FAM184A: variants seen among roughly 807,000 people sequenced by gnomAD.
The protein encoded by FAM184A is family with sequence similarity 184 member A.
A neutral mutation model predicts 143.8 loss-of-function variants in FAM184A; 99 were observed. That is an observed-to-expected ratio of 0.69 (90% CI 0.58 to 0.81). The LOEUF (loss-of-function observed/expected upper bound fraction) is 0.81. FAM184A is among the 40% of genes least tolerant of loss of function. The pLI is 0.00. For synonymous variants in FAM184A, 427 were observed against 446.4 expected, an observed-to-expected ratio of 0.96 and a Z score of 0.55; for missense variants, 1,217 against 1,310.5, an observed-to-expected ratio of 0.93 and a Z score of 1.10.
chr6:119,061,144 A>C (rs945830647), intron 1 of FAM184A, among the ~76,000 whole-genome samples: 5 of 152,174 alleles, frequency 3.3e-5, no homozygotes, highest in African/African-American at 9.7e-5. Flanking sequence ...CTTCAATATT[A>C]AGAAGCAACA....
intron 1 of FAM184A, among the ~76,000 whole-genome samples, chr6:119,057,709 C>G (rs1001454476): frequency 1.3e-5 from 2 of 152,038 alleles, no homozygotes; most frequent in African/African-American, 4.8e-5. Flanking sequence ...AGCCTGTGCA[C>G]TCCACCCCAG....
At chr6:119,130,945 C>T (rs1348395018) in intron 1 of FAM184A, among the ~76,000 whole-genome samples, 1 of 151,490 alleles carries the variant, frequency 6.6e-6, no homozygotes, top group African/African-American at 2.4e-5. Flanking sequence ...CAACCTCTGC[C>T]TCCCGGGTTC....
intron 1 of FAM184A, among the ~76,000 whole-genome samples, chr6:119,050,528 CG>C (rs1786714600): frequency 6.6e-6 from 1 of 151,922 alleles, no homozygotes; most frequent in Non-Finnish European, 1.5e-5. Flanking sequence ...GATCATAGGC[CG>C]GGCGCGGTGG....
chr6:119,126,746 C>T (rs191815469), intron 1 of FAM184A, among the ~76,000 whole-genome samples: 45 of 152,276 alleles, frequency 3.0e-4, no homozygotes, highest in African/African-American at 1.0e-3. Context: ...TTCTGTACCC[C>T]GAGCTCTTGT....
intron 1 of FAM184A, among the ~76,000 whole-genome samples, chr6:119,091,346 C>G (rs1454609731): frequency 6.6e-6 from 1 of 152,176 alleles, no homozygotes; most frequent in Non-Finnish European, 1.5e-5. Context: ...TGTATCCTAG[C>G]TATTAGATAC....
At chr6:119,107,454 A>G (rs1788815198) in intron 1 of FAM184A, among the ~76,000 whole-genome samples, 1 of 152,188 alleles carries the variant, frequency 6.6e-6, no homozygotes, top group Non-Finnish European at 1.5e-5. Flanking sequence ...AGTCTTACAT[A>G]AACTGCTTAG....
chr6:119,129,591 A>C (rs377118039), intron 1 of FAM184A, among the ~76,000 whole-genome samples: 3 of 152,074 alleles, frequency 2.0e-5, no homozygotes, highest in African/African-American at 7.2e-5. Context: ...TAGGCATTGG[A>C]GCTAACAAGC....
At chr6:119,085,229 A>AT (rs1022923859) in intron 1 of FAM184A, among the ~76,000 whole-genome samples, 1 of 152,032 alleles carries the variant, frequency 6.6e-6, no homozygotes, top group African/African-American at 2.4e-5. Flanking sequence ...GTTTCAGATA[A>AT]TTTTTTTTCT....
chr6:118,989,884 A>C (rs1389468422), intron 9 of FAM184A, among the ~76,000 whole-genome samples: 1 of 151,796 alleles, frequency 6.6e-6, no homozygotes, highest in Non-Finnish European at 1.5e-5. Flanking sequence ...GCTGGAGTGC[A>C]GTGGCGCGAT....
At chr6:119,062,192 A>G (rs573437865) in intron 1 of FAM184A, among the ~76,000 whole-genome samples, 34 of 152,360 alleles carry the variant, frequency 2.2e-4, no homozygotes, top group Admixed American at 7.2e-4. Context: ...TAAGCCTCAG[A>G]GTTTTTTGGT....
At chr6:119,054,144 TA>T (rs1374759705) in intron 1 of FAM184A, among the ~76,000 whole-genome samples, 2 of 152,212 alleles carry the variant, frequency 1.3e-5, no homozygotes, top group African/African-American at 4.8e-5. Flanking sequence ...ATCTTTCTAC[TA>T]TCCCATCTCC....
chr6:118,960,450 T>G (rs1783284946), intron 17 of FAM184A, among the ~76,000 whole-genome samples: 1 of 152,154 alleles, frequency 6.6e-6, no homozygotes, highest in African/African-American at 2.4e-5. Flanking sequence ...TGCAAAAATG[T>G]CACCTTCTTT....
At position 119,145,182 on chromosome 6, in the gene FAM184A, G is replaced by T. The variant is rs934752442; in HGVS notation, c.-202+3896C>A. Among the ~76,000 whole-genome samples the T allele has an allele frequency of 9.9e-5, 15 of 152,116 alleles. 2 individuals are homozygous for T. Among genetic ancestry groups the T allele is most frequent in the Admixed American group, 9.8e-4 (15 of 15,268 alleles). On this transcript the variant is annotated intron_variant, in intron 1 of 16. Coordinates refer to the FAM184A transcript ENST00000352896. ...TATTCTCTCTGCTCCCTCTCTGCTG[G>T]TCCCTACCAACATCGAGACCCCTGT...
At chr6:119,073,328 T>C (rs1787760075) in intron 1 of FAM184A, among the ~76,000 whole-genome samples, 1 of 152,350 alleles carries the variant, frequency 6.6e-6, no homozygotes, top group Admixed American at 6.5e-5. Context: ...CTTATGTCTA[T>C]ACTAGTTAAG....
chr6:119,019,917 A>G, intron 4 of FAM184A, 61 bp downstream of exon 4: 1 of 1,383,584 alleles, frequency 7.2e-7, no homozygotes. Flanking sequence ...AAATACTTCA[A>G]ATGTGAAAAA....
At chr6:119,066,496 A>T (rs914066675) in intron 1 of FAM184A, among the ~76,000 whole-genome samples, 2 of 152,300 alleles carry the variant, frequency 1.3e-5, no homozygotes, top group Non-Finnish European at 2.9e-5. Context: ...GAACGTGAAC[A>T]TCTTTGAGGG....
At chr6:119,083,175 AC>A (rs1788118753), upstream of FAM184A, among the ~76,000 whole-genome samples, 1 of 152,144 alleles carries the variant, frequency 6.6e-6, no homozygotes, top group South Asian at 2.1e-4. Context: ...AAGTCCCAAG[AC>A]CGTACAAAGT....
chr6:119,002,122 A>G (rs1182205139), intron 9 of FAM184A, among the ~76,000 whole-genome samples: 1 of 152,172 alleles, frequency 6.6e-6, no homozygotes, highest in Non-Finnish European at 1.5e-5. Flanking sequence ...TGATCTTACA[A>G]AAAGTCTATC....
intron 9 of FAM184A, among the ~76,000 whole-genome samples, chr6:118,990,108 G>A (rs1395925920): frequency 1.3e-5 from 2 of 152,322 alleles, no homozygotes; most frequent in Non-Finnish European, 2.9e-5. Context: ...TTACAGGCGT[G>A]AGCCACAGCG....
Sources: allele counts gnomAD v4.1 joint callset (sites outside exome capture counted in the v4.1 genomes callset), GRCh38; gene constraint gnomAD v4.1.1; transcripts MANE v1.5; gene names NCBI Gene and HGNC (gene_info 2026-07-23, HGNC 2026-07-21).